Variants in ZPLD1 observed in about 807,000 individuals in gnomAD.
The protein encoded by ZPLD1 is zona pellucida-like domain-containing protein 1.
A neutral mutation model predicts 47.2 loss-of-function variants in ZPLD1; 34 were observed. The observed-to-expected ratio is 0.72, with a 90% CI of 0.55 to 0.96. The LOEUF is 0.96. Among genes scored for constraint, ZPLD1 ranks in the 40% least tolerant of loss-of-function variants. The pLI, the probability that ZPLD1 is intolerant of heterozygous loss-of-function variation, is 0.00. For missense variants in ZPLD1, 512 were observed against 505.8 expected (o/e 1.01, Z -0.12); for synonymous variants, 176 against 186.2 (o/e 0.95, Z 0.45).
chr3:102,467,476 G>GAC (rs1445216875), intron 8 of ZPLD1, among the ~76,000 whole-genome samples: 1 of 152,040 alleles, frequency 6.6e-6, no homozygotes, highest in Non-Finnish European at 1.5e-5. Context: ...TGCAAAGCTA[G>GAC]ACACATAGAC....
chr3:102,406,331 A>G (rs977531913), intron 7 of ZPLD1, among the ~76,000 whole-genome samples: 4 of 151,862 alleles, frequency 2.6e-5, no homozygotes, highest in African/African-American at 9.7e-5. Context: ...TTGACACACA[A>G]CTACACAAGT....
At chr3:102,446,058 G>A (rs1418732170) in intron 3 of ZPLD1, among the ~76,000 whole-genome samples, 3 of 152,126 alleles carry the variant, frequency 2.0e-5, no homozygotes, top group Non-Finnish European at 4.4e-5. Context: ...CATATCAACT[G>A]TATACATATT....
chr3:102,448,186 T>G (rs1707286328), intron 3 of ZPLD1, among the ~76,000 whole-genome samples: 1 of 152,236 alleles, frequency 6.6e-6, no homozygotes, highest in Non-Finnish European at 1.5e-5. Flanking sequence ...AAAACATTGC[T>G]GTTTTGGCAA....
Position 102,407,392 on chromosome 3 carries a change from A to AATATATATAT in ZPLD1, c.-156-10626_-156-10617dup, listed in dbSNP as rs63183460. On this transcript the variant is annotated intron_variant, in intron 7 of 17. Coordinates refer to the ZPLD1 transcript ENST00000491959. ...GTATTTATAGAAGCCTTGATTTTCA[A>AATATATATAT]ATATATATATATATATATATATATA... Among the ~76,000 whole-genome samples the AATATATATAT allele has an allele frequency of 5.9e-3, 222 of 37,854 alleles. 9 individuals are homozygous for AATATATATAT. Among genetic ancestry groups the AATATATATAT allele is most frequent in the East Asian group, 0.016 (7 of 434 alleles). 24.8% of individuals were successfully genotyped at this position (37,854 alleles called of 152,430 possible).
chr3:102,426,808 A>G (rs969411508), intron 8 of ZPLD1, among the ~76,000 whole-genome samples: 2 of 152,210 alleles, frequency 1.3e-5, no homozygotes, highest in Non-Finnish European at 2.9e-5. Flanking sequence ...TCATGTCCAA[A>G]AGTATCATAT....
At chr3:102,409,276 A>G (rs944599674) in intron 7 of ZPLD1, among the ~76,000 whole-genome samples, 37 of 151,814 alleles carry the variant, frequency 2.4e-4, no homozygotes, top group Admixed American at 1.1e-3. Flanking sequence ...TTTTTCCACC[A>G]TTTGGCTAAG....
intron 4 of ZPLD1, among the ~76,000 whole-genome samples, chr3:102,455,463 C>T (rs1707398748): frequency 6.6e-6 from 1 of 152,140 alleles, no homozygotes; most frequent in Admixed American, 6.6e-5. Flanking sequence ...AAGCTATTGT[C>T]CTAGAAGTAG....
At chr3:102,397,722 A>G (rs1025133498) in intron 7 of ZPLD1, among the ~76,000 whole-genome samples, 1 of 152,086 alleles carries the variant, frequency 6.6e-6, no homozygotes, top group African/African-American at 2.4e-5. Context: ...TGTTCAGGAT[A>G]CCACCTCACT....
At chr3:102,404,318 A>G (rs772677327) in intron 7 of ZPLD1, among the ~76,000 whole-genome samples, 4 of 151,970 alleles carry the variant, frequency 2.6e-5, no homozygotes, top group Non-Finnish European at 4.4e-5. Flanking sequence ...ACACAACAAG[A>G]AAATGAGGTA....
At chr3:102,414,008 TGAG>T (rs1457701227) in intron 7 of ZPLD1, among the ~76,000 whole-genome samples, 1 of 151,704 alleles carries the variant, frequency 6.6e-6, no homozygotes, top group African/African-American at 2.4e-5. Context: ...ATTGCTGCCT[TGAG>T]GAGAGGAGGC....
At chr3:102,470,801 C>G (rs182975178) in intron 10 of ZPLD1, among the ~76,000 whole-genome samples, 1 of 151,728 alleles carries the variant, frequency 6.6e-6, no homozygotes, top group Non-Finnish European at 1.5e-5. Flanking sequence ...TTATTTGAGA[C>G]GGAGTGTCTC....
At chr3:102,449,212 A>G (rs1707300698) in intron 3 of ZPLD1, among the ~76,000 whole-genome samples, 1 of 152,076 alleles carries the variant, frequency 6.6e-6, no homozygotes, top group South Asian at 2.1e-4. Flanking sequence ...TCCTACTGAT[A>G]CTTCAAGACT....
intron 2 of ZPLD1, among the ~76,000 whole-genome samples, chr3:102,437,271 A>C (rs748263869): frequency 9.2e-5 from 14 of 152,216 alleles, no homozygotes; most frequent in Non-Finnish European, 2.1e-4. Flanking sequence ...TTCCTGCTGA[A>C]TTAATATTTT....
chr3:102,437,050 A>C, intron 2 of ZPLD1, 77 bp downstream of exon 2: 1 of 605,218 alleles, frequency 1.7e-6, no homozygotes, highest in Non-Finnish European at 2.1e-6. Flanking sequence ...AAAGAGCAAG[A>C]CTGTCTTATT....
At chr3:102,456,549 CT>C (rs1707418386) in intron 5 of ZPLD1, among the ~76,000 whole-genome samples, 175 bp downstream of exon 5, 1 of 57,654 alleles carries the variant, frequency 1.7e-5, no homozygotes, top group African/African-American at 6.1e-5. Context: ...TCTATTATAT[CT>C]ATCTATCTAT....
chr3:102,447,369 A>G (rs988373414), intron 3 of ZPLD1, among the ~76,000 whole-genome samples: 2 of 152,068 alleles, frequency 1.3e-5, no homozygotes, highest in African/African-American at 2.4e-5. Context: ...TGGCCTCCCC[A>G]TCCTTTTTCT....
At chr3:102,428,717 T>C (rs1706980472) in intron 8 of ZPLD1, among the ~76,000 whole-genome samples, 1 of 150,776 alleles carries the variant, frequency 6.6e-6, no homozygotes, top group African/African-American at 2.4e-5. Flanking sequence ...AAATAACATA[T>C]ATGTATATAT....
chr3:102,413,908 CT>C lies in ZPLD1; in HGVS notation c.-156-4143del, dbSNP rs962168319. ...TGATTTCAAATAAAAACCTTGATTGCTTTTTTTTTGTAAAAAAAATGAAGTT... is the reference window on the plus strand; with the variant it reads ...TGATTTCAAATAAAAACCTTGATTGCTTTTTTTTGTAAAAAAAATGAAGTT... On this transcript the variant is annotated intron_variant, in intron 7 of 17. Coordinates refer to the ZPLD1 transcript ENST00000491959. 7.4e-3 allele frequency among the ~76,000 whole-genome samples: 1,108 copies of C among 150,428 alleles called. 9 individuals are homozygous for C. The highest frequency in any genetic ancestry group is 0.026 in the African/African-American group (1,058 of 41,042).
intron 8 of ZPLD1, among the ~76,000 whole-genome samples, chr3:102,428,914 G>A (rs75464230): frequency 3.9e-5 from 6 of 151,970 alleles, no homozygotes; most frequent in Non-Finnish European, 8.8e-5. Flanking sequence ...AAACCAACAC[G>A]CATAGATTCT....
Sources: allele counts gnomAD v4.1 joint callset (sites outside exome capture counted in the v4.1 genomes callset), GRCh38; gene constraint gnomAD v4.1.1; transcripts MANE v1.5; gene names NCBI Gene and HGNC (gene_info 2026-07-23, HGNC 2026-07-21).